The following ZNF205 variants were observed in gnomAD, a reference collection of about 807,000 sequenced individuals.
ZNF205 encodes transcriptional repressor RHIT.
ZNF205 carries 32 observed loss-of-function variants against 53.6 expected under a neutral mutation model. The observed-to-expected ratio is 0.60, with a 90% CI of 0.45 to 0.80. The LOEUF (loss-of-function observed/expected upper bound fraction) is 0.80, where lower values mean the gene tolerates loss of function less well. ZNF205 is among the 30% of genes least tolerant of loss of function. The probability of loss-of-function intolerance (pLI) is 0.00; values close to 1 mark genes in which losing one functional copy is unlikely to be tolerated. For synonymous variants in ZNF205, 382 were observed against 334.3 expected, an observed-to-expected ratio of 1.14 and a Z score of -1.56; for missense variants, 836 against 782.4, an observed-to-expected ratio of 1.07 and a Z score of -0.82.
At position 3,120,470 on chromosome 16, in the gene ZNF205, G is replaced by C. The variant is rs1306098605; in HGVS notation, c.*145G>C. 3 of 956,390 alleles carry C rather than the reference G, an allele frequency of 3.1e-6. No individual in the cohort carries two copies. The highest frequency in any genetic ancestry group is 2.9e-5 in the Admixed American group (1 of 34,052). 59.2% of individuals were successfully genotyped at this position (956,390 alleles called of 1,614,324 possible). A position where few individuals can be genotyped will look rare whatever the true frequency, so the allele number is the denominator to read the frequency against. On this transcript the variant is annotated 3_prime_UTR_variant, in exon 7 of 7. Coordinates refer to ENST00000219091, the MANE Select transcript of ZNF205 (RefSeq NM_001042428.2). The stretch of plus-strand genomic sequence containing the variant: ...GAGGCATGGCGATGGGGGAGGGCGA[G>C]GGCGAGAAAGGGCAGGCACTCTGCG...
Position 3,120,209 on chromosome 16 carries a change from T to A in ZNF205, c.1549T>A (p.Ser517Thr), listed in dbSNP as rs148859377. Residue 517 changes from serine (S) to threonine (T), a missense_variant, in exon 7 of 7, where the codon TCC becomes ACC. Ser to Thr is a moderately conservative substitution (Grantham distance 58, BLOSUM62 1). Transcript: ENST00000219091. ...PLCGKSFSRR[S>T]NLHRHEKIHT... Reference sequence around the variant, plus strand: ...GTGCGGCAAGAGCTTCAGCCGGCGCTCCAACCTGCACCGGCACGAGAAGAT... The same window carrying A: ...GTGCGGCAAGAGCTTCAGCCGGCGCACCAACCTGCACCGGCACGAGAAGAT... The A allele has an allele frequency of 4.3e-3, 6,995 of 1,611,638 alleles. 23 individuals are homozygous for A. The highest frequency in any genetic ancestry group is 5.4e-3 in the Non-Finnish European group (6,391 of 1,179,670).
Position 3,119,847 on chromosome 16 carries a change from G to T in ZNF205, c.1187G>T (p.Arg396Leu). Residue 396 changes from arginine to leucine, a missense_variant, in exon 7 of 7, where the codon CGC becomes CTC. Physicochemically the swap from Arg to Leu is moderately radical, Grantham distance 102. Transcript: ENST00000219091. ...GGAGAGAAGCCCTACGTGTGCGACC[G>T]CTGCGCCAAGCGCTTCACCCGCCGC... ...HTGEKPYVCD[R>L]CAKRFTRRSD... 1 of 1,612,500 alleles carries T rather than the reference G, an allele frequency of 6.2e-7. No individual in the cohort carries two copies. The highest frequency in any genetic ancestry group is 1.1e-5 in the South Asian group (1 of 91,026).
At position 3,119,265 on chromosome 16, in the gene ZNF205, A is replaced by C. The variant is rs1312385285; in HGVS notation, c.605A>C (p.Glu202Ala). 1 of 1,577,532 alleles carries C rather than the reference A, an allele frequency of 6.3e-7. No individual in the cohort carries two copies. The change falls in exon 7 of 7, where the codon GAG becomes GCG. Residue 202 changes from glutamate to alanine, a missense_variant. Glu to Ala is a moderately radical substitution (Grantham distance 107, BLOSUM62 -1). Transcript: ENST00000219091. ...EWRGACTGAV[E>A]VGQRVQTSSV... Reference sequence around the variant, plus strand: ...GACTTTCTTTTTCCAGGAGCCGTCGAGGTGGGGCAGAGGGTGCAGACCTCA... The same window carrying C: ...GACTTTCTTTTTCCAGGAGCCGTCGCGGTGGGGCAGAGGGTGCAGACCTCA...
chr16:3,112,672 C>T lies in ZNF205; in HGVS notation c.-25C>T. ...CCCACTGCCGCAGGTGCCCCCTCTG[C>T]CTCCACCCCGGTGAGAAGGGGGTGC... On this transcript the variant is annotated 5_prime_UTR_variant, in exon 1 of 7. Transcript: ENST00000219091. 1 of 304,590 alleles carries T rather than the reference C, an allele frequency of 3.3e-6. No individual in the cohort carries two copies. Among genetic ancestry groups the T allele is most frequent in the Non-Finnish European group, 6.6e-6 (1 of 151,412 alleles). The allele number at this position is 304,590 out of a possible 1,614,324, so 18.9% of individuals were successfully genotyped here. A position where few individuals can be genotyped will look rare whatever the true frequency, so the allele number is the denominator to read the frequency against.
chr16:3,119,037 T>A lies in ZNF205; in HGVS notation c.595+22T>A, dbSNP rs112978648. ...ACAGGTGAGGGACGGGCGCGCGCCT[T>A]TGTCTGCGGGAGTGGGGCGCAGACG... On this transcript the variant is annotated intron_variant, in intron 6 of 6. Coordinates refer to ENST00000219091, the MANE Select transcript of ZNF205 (RefSeq NM_001042428.2). 3.1e-6 allele frequency: 5 copies of A among 1,608,788 alleles called. No individual in the cohort carries two copies. In the East Asian group the frequency reaches 1.1e-4, roughly 36 times the overall value.
chr16:3,115,848 C>A lies in ZNF205; in HGVS notation c.291C>A (p.Ile97=), dbSNP rs1171595982. ...CCACAGCCCTCCCCTCCCCCCGGAT[C>A]CCCGTGCTTTCCCGAGAGGGGAGGA... The part of the protein sequence containing the change: ...LPGGALPSPR[I]PVLSREGRTR... Residue 97 remains isoleucine, a synonymous_variant, in exon 4 of 7, where the codon ATC becomes ATA. Coordinates refer to ENST00000219091, the MANE Select transcript of ZNF205 (RefSeq NM_001042428.2). The A allele has an allele frequency of 6.2e-7, 1 of 1,614,032 alleles. No individual in the cohort carries two copies. The highest frequency in any genetic ancestry group is 2.2e-5 in the East Asian group (1 of 44,884).
rs766931460 is a variant in ZNF205, at chr16:3,120,301, C to T, written c.1641C>T (p.Ala547=). The change falls in exon 7 of 7, where the codon GCC becomes GCT. Residue 547 remains alanine (A), a synonymous_variant. Coordinates refer to ENST00000219091, the MANE Select transcript of ZNF205 (RefSeq NM_001042428.2). ...GGGCGGCGGCGGCGGGGGCTCTGGC[C>T]ACACCCCCACCCGCTCCCACCTAGG... ...MLGAAAAGAL[A]TPPPAPT is the part of the protein sequence containing the mutation. 6.0e-5 allele frequency: 95 copies of T among 1,577,174 alleles called. No homozygotes were observed. The highest frequency in any genetic ancestry group is 7.6e-5 in the Non-Finnish European group (89 of 1,169,636).
At chr16:3,116,349 C>A in intron 4 of ZNF205, 78 bp from the exon 5 acceptor site, 2 of 1,585,134 alleles carry the variant, frequency 1.3e-6, no homozygotes, top group Non-Finnish European at 1.7e-6. Flanking sequence ...CGGGGTCTCA[C>A]CACACATCTC....
In ZNF205 at chr16:3,119,536, T is replaced by A. The variant is rs1247501596; in HGVS notation, c.876T>A (p.Ser292Arg). The stretch of plus-strand genomic sequence containing the variant: ...AGGAGGAGAAGGGCGCCCCGGAGAG[T>A]GGCGAGGAGGGCCTGGCCCCTGACA... ...PNEEEKGAPE[S>R]GEEGLAPDSE... Residue 292 changes from serine (S) to arginine (R), a missense_variant, in exon 7 of 7, where the codon AGT (serine) becomes AGA (arginine). Physicochemically the swap from Ser to Arg is moderately radical, Grantham distance 110. Coordinates refer to ENST00000219091, the MANE Select transcript of ZNF205 (RefSeq NM_001042428.2). 1.2e-6 allele frequency: 2 copies of A among 1,604,856 alleles called. No individual in the cohort carries two copies. Among genetic ancestry groups the A allele is most frequent in the Non-Finnish European group, 1.7e-6 (2 of 1,176,344 alleles).
Position 3,115,356 on chromosome 16 carries a change from T to C in ZNF205, c.59T>C (p.Val20Ala). 1 of 1,592,024 alleles carries C rather than the reference T, an allele frequency of 6.3e-7. No homozygotes were observed. Reference sequence around the variant, plus strand: ...TGCTGATGGGGCTGTCCTTTCTAGGTTCCAGATCGTGGACATCCTCATCAG... The same window carrying C: ...TGCTGATGGGGCTGTCCTTTCTAGGCTCCAGATCGTGGACATCCTCATCAG... ...DTQDKETPPEVPDRGHPHQEM... is the reference protein window; with the variant it reads ...DTQDKETPPEAPDRGHPHQEM... The change falls in exon 3 of 7, where the codon GTT becomes GCT. Residue 20 changes from valine to alanine, a missense_variant and splice_region_variant. Physicochemically the swap from Val to Ala is moderately conservative, Grantham distance 64 (BLOSUM62 0). Coordinates refer to ENST00000219091, the MANE Select transcript of ZNF205 (RefSeq NM_001042428.2).
In ZNF205 at chr16:3,119,871, G is replaced by A. The variant is rs1432122253; in HGVS notation, c.1211G>A (p.Arg404His). ...CGCTGCGCCAAGCGCTTCACCCGCC[G>A]CTCGGACTTGGTCACCCACCAGGGC... ...CDRCAKRFTRRSDLVTHQGTH... is the reference protein window; with the variant it reads ...CDRCAKRFTRHSDLVTHQGTH... The change falls in exon 7 of 7, where the codon CGC (arginine) becomes CAC (histidine). Residue 404 changes from arginine (R) to histidine (H), a missense_variant. Transcript: ENST00000219091. 31 of 1,613,356 alleles carry A rather than the reference G, an allele frequency of 1.9e-5. No homozygotes were observed. The highest frequency in any genetic ancestry group is 3.3e-5 in the Admixed American group (2 of 59,982).
At chr16:3,113,780 TCTC>T (rs1957303086) in intron 2 of ZNF205, among the ~76,000 whole-genome samples, 1 of 152,130 alleles carries the variant, frequency 6.6e-6, no homozygotes. Flanking sequence ...GGAAACCTGT[TCTC>T]CTTCCCCGTG....
At chr16:3,112,712 G>A in intron 1 of ZNF205, 30 bp downstream of exon 1, 1 of 275,636 alleles carries the variant, frequency 3.6e-6, no homozygotes, top group Non-Finnish European at 7.3e-6. Context: ...GAGGGCATCT[G>A]GATCCCGAGA....
intron 2 of ZNF205, among the ~76,000 whole-genome samples, chr16:3,114,307 C>T (rs1303187886): frequency 6.6e-6 from 1 of 152,168 alleles, no homozygotes; most frequent in Non-Finnish European, 1.5e-5. Flanking sequence ...CAGGACTTTC[C>T]TGAGCTGGCA....
chr16:3,116,000 G>A (rs545143411), intron 4 of ZNF205, 80 bp downstream of exon 4: 544 of 1,436,946 alleles, frequency 3.8e-4, no homozygotes, highest in Non-Finnish European at 4.9e-4. Context: ...CCAGGACCCC[G>A]CTGGCCCCAC....
chr16:3,116,597 T>C, intron 5 of ZNF205, 50 bp downstream of exon 5: 1 of 1,586,644 alleles, frequency 6.3e-7, no homozygotes, highest in Non-Finnish European at 8.6e-7. Flanking sequence ...GAGGTCCTGC[T>C]CTGCCGTCTC....
chr16:3,115,686 C>T (rs1175125099), intron 3 of ZNF205, 118 bp downstream of exon 3: 2 of 1,383,618 alleles, frequency 1.4e-6, no homozygotes, highest in Admixed American at 2.7e-5. Context: ...CGCTATCCCC[C>T]CATGGCCCAC....
At chr16:3,113,188 A>G (rs181627587) in intron 1 of ZNF205, among the ~76,000 whole-genome samples, 11 of 152,320 alleles carry the variant, frequency 7.2e-5, no homozygotes, top group Non-Finnish European at 1.3e-4. Context: ...CATTCTTTCA[A>G]AAATAGGACC....
Position 3,120,110 on chromosome 16 carries a change from A to T in ZNF205, c.1450A>T (p.Ser484Cys). Residue 484 changes from serine (S) to cysteine (C), a missense_variant, in exon 7 of 7, where the codon AGC becomes TGC. By Grantham distance (112) the Ser-to-Cys change is moderately radical (BLOSUM62 -1). Transcript: ENST00000219091. ...CTACCACTGCCTCGACTGCGGCAAG[A>T]GCTTCAGCCACAGCTCGCACCTCAC... Reference protein sequence around the residue: ...KPYHCLDCGKSFSHSSHLTAH... With the variant: ...KPYHCLDCGKCFSHSSHLTAH... 2 of 1,612,190 alleles carry T rather than the reference A, an allele frequency of 1.2e-6. No individual in the cohort carries two copies. Among genetic ancestry groups the T allele is most frequent in the Non-Finnish European group, 1.7e-6 (2 of 1,179,316 alleles).
Sources: allele counts gnomAD v4.1 joint callset (sites outside exome capture counted in the v4.1 genomes callset), GRCh38; gene constraint gnomAD v4.1.1; transcripts MANE v1.5; gene names NCBI Gene and HGNC (gene_info 2026-07-23, HGNC 2026-07-21).